Variants in TCHP observed in about 807,000 individuals in gnomAD.
TCHP encodes the protein trichoplein keratin filament binding, also known as trichoplein keratin filament-binding protein.
Under a neutral mutation model 88.7 loss-of-function variants are expected in TCHP, and 81 were observed. The observed-to-expected ratio is 0.91, with a 90% CI of 0.76 to 1.10. The LOEUF (loss-of-function observed/expected upper bound fraction) is 1.10, where lower values mean the gene tolerates loss of function less well. Ranked by LOEUF, TCHP falls within the 50% of genes least tolerant of loss-of-function variation. The pLI is 0.00. For synonymous variants in TCHP, 232 were observed against 232.5 expected (o/e 1.00, Z 0.02); for missense variants, 641 against 632.1 (o/e 1.01, Z -0.15).
At position 109,915,608 on chromosome 12, in the gene TCHP, C is replaced by G. The variant is rs1331129706; in HGVS notation, c.1464+62C>G. The G allele has an allele frequency of 5.3e-6, 8 of 1,522,126 alleles. No individual in the cohort carries two copies. In the African/African-American group the frequency reaches 1.1e-4, roughly 21 times the overall value. The allele number at this position is 1,522,126 out of a possible 1,614,324, so 94.3% of individuals were successfully genotyped here. ...AGACAGACTCTGCCCGGCCCCTGCT[C>G]CCCTGGGCCTGCTCATCGCCCCGCG... is the stretch of plus-strand genomic sequence containing the variant. On this transcript the variant is annotated intron_variant, in intron 12 of 12. Transcript: ENST00000405876.
chr12:109,911,611 CA>C (rs1209414114), intron 9 of TCHP, among the ~76,000 whole-genome samples: 511 of 45,540 alleles, frequency 0.011, 1 homozygote, highest in African/African-American at 0.032. Context: ...GACTCTGTCT[CA>C]AAAAAAAAAA....
upstream of TCHP, among the ~76,000 whole-genome samples, chr12:109,899,284 G>A (rs1423469318): frequency 1.3e-5 from 2 of 152,126 alleles, no homozygotes; most frequent in Non-Finnish European, 2.9e-5. Flanking sequence ...TGTAGCACAC[G>A]AGTTATAAAA....
At chr12:109,908,798 G>T (rs1870308342) in intron 7 of TCHP, 73 bp from the exon 8 acceptor site, 1 of 1,573,244 alleles carries the variant, frequency 6.4e-7, no homozygotes, top group South Asian at 1.1e-5. Context: ...AGACAGCCTG[G>T]TCAGCAGTTA....
chr12:109,917,602 T>TA lies in TCHP; in HGVS notation c.*980dup, dbSNP rs1592917311. ...GGAGAAGCACTGAGCCTGAAGAAAC[T>TA]AGATGAGTCTCAGAACCACAGACCG... On this transcript the variant is annotated 3_prime_UTR_variant, in exon 13 of 13. Transcript: ENST00000405876. The TA allele has an allele frequency of 6.5e-6, 1 of 152,684 alleles. No homozygotes were observed. Among genetic ancestry groups the TA allele is most frequent in the East Asian group, 1.9e-4 (1 of 5,186 alleles). The allele number at this position is 152,684 out of a possible 1,614,324, so 9.5% of individuals were successfully genotyped here.
rs747998716 is a variant in TCHP at position 109,904,796 on chromosome 12, G to A, written c.456+3G>A. 6.2e-7 allele frequency: 1 copy of A among 1,611,962 alleles called. No homozygotes were observed. Among genetic ancestry groups the A allele is most frequent in the South Asian group, 1.1e-5 (1 of 90,638 alleles). ...AGAACAACCCGAAACTTCGAGAGGT[G>A]AAAATCAGAGATCTCCATTGATTTA... On this transcript the variant is annotated splice_donor_region_variant and intron_variant, in intron 4 of 12. Coordinates refer to ENST00000405876, the MANE Select transcript of TCHP (RefSeq NM_001143852.2).
At chr12:109,912,728 T>C (rs1162387633) in intron 9 of TCHP, among the ~76,000 whole-genome samples, 1 of 151,972 alleles carries the variant, frequency 6.6e-6, no homozygotes, top group East Asian at 1.9e-4. Context: ...GAGGTGGAGG[T>C]TGCAGTGAGC....
the TCHP span, among the ~76,000 whole-genome samples, chr12:109,885,478 G>GTTTTTT: frequency 1.1e-4 from 13 of 118,166 alleles, no homozygotes; most frequent in Non-Finnish European, 1.9e-4. Context: ...AAATCTGATG[G>GTTTTTT]TTTTTTTTTT....
At chr12:109,902,094 C>T (rs1249370565) in intron 1 of TCHP, among the ~76,000 whole-genome samples, 3 of 152,216 alleles carry the variant, frequency 2.0e-5, no homozygotes, top group Non-Finnish European at 4.4e-5. Flanking sequence ...GTCTAGCAAT[C>T]TTAGGACAAT....
chr12:109,905,102 G>A lies in TCHP; in HGVS notation c.456+309G>A, dbSNP rs1870055807. 5.3e-6 allele frequency: 2 copies of A among 377,258 alleles called. No homozygotes were observed. The highest frequency in any genetic ancestry group is 2.9e-5 in the South Asian group (1 of 34,100). The allele number at this position is 377,258 out of a possible 1,614,324, so 23.4% of individuals were successfully genotyped here. Reference sequence around the variant, plus strand: ...TTACAGGGCAGGATGCAGGGTGCTGGGCCAGCCTGAGAGGATGAGCATGGG... The same window carrying A: ...TTACAGGGCAGGATGCAGGGTGCTGAGCCAGCCTGAGAGGATGAGCATGGG... On this transcript the variant is annotated intron_variant, in intron 4 of 12. Coordinates refer to ENST00000405876, the MANE Select transcript of TCHP (RefSeq NM_001143852.2). The surrounding 1 kb of genome is among the most constrained non-coding windows in gnomAD (Gnocchi z 4.0).
rs141514320 is a variant in TCHP, at chr12:109,915,538, C to G, written c.1456C>G (p.Arg486Gly). 1.2e-6 allele frequency: 2 copies of G among 1,612,844 alleles called. No individual in the cohort carries two copies. Among genetic ancestry groups the G allele is most frequent in the Admixed American group, 1.7e-5 (1 of 59,942 alleles). Residue 486 changes from arginine (R) to glycine (G), a missense_variant, in exon 12 of 13, where the codon CGG becomes GGG. Physicochemically the swap from Arg to Gly is moderately radical, Grantham distance 125. Transcript: ENST00000405876. ...GGAGACTATGGCTGAGCAGGGCTAC[C>G]GGCCTAAGGTAGGAAGTCTGCCAGG... ...EAETMAEQGYRPKPYGHPKIA... is the reference protein window; with the variant it reads ...EAETMAEQGYGPKPYGHPKIA...
Position 109,904,068 on chromosome 12 carries a change from T to C in TCHP, c.320T>C (p.Leu107Pro), listed in dbSNP as rs1480948643. ...LLARELEELR[L>P]SMNLQERRIR... ...GCCAGAGAACTGGAGGAGCTGAGGC[T>C]GAGCATGAACTTGCAGGAAAGAAGA... is the stretch of plus-strand genomic sequence containing the variant. Residue 107 changes from leucine to proline, a missense_variant, in exon 3 of 13, where the codon CTG (leucine) becomes CCG (proline). Coordinates refer to ENST00000405876, the MANE Select transcript of TCHP (RefSeq NM_001143852.2). 6.2e-7 allele frequency: 1 copy of C among 1,603,200 alleles called. No homozygotes were observed. The highest frequency in any genetic ancestry group is 8.5e-7 in the Non-Finnish European group (1 of 1,174,828).
At chr12:109,888,220 T>C in the TCHP span, 2 of 152,018 alleles carry the variant, frequency 1.3e-5, no homozygotes, top group Non-Finnish European at 2.9e-5. Context: ...GGGGGAGAGG[T>C]GGGAAGGAAA....
At chr12:109,890,109 T>G in the TCHP span, among the ~76,000 whole-genome samples, 1 of 152,148 alleles carries the variant, frequency 6.6e-6, no homozygotes, top group South Asian at 2.1e-4. Context: ...TGCCACCTTG[T>G]CCTCCATCTA....
chr12:109,896,093 C>T (rs1487077395), upstream of TCHP, among the ~76,000 whole-genome samples: 1 of 152,112 alleles, frequency 6.6e-6, no homozygotes, highest in African/African-American at 2.4e-5. Context: ...ACTACAGGCA[C>T]GCACTACCAC....
At position 109,910,947 on chromosome 12, in the gene TCHP, G is replaced by A. The variant is rs181573530; in HGVS notation, c.880-116G>A. 49 of 1,382,070 alleles carry A rather than the reference G, an allele frequency of 3.5e-5. No individual in the cohort carries two copies. In the African/African-American group the frequency reaches 6.0e-4, roughly 17 times the overall value. The allele number at this position is 1,382,070 out of a possible 1,614,324, so 85.6% of individuals were successfully genotyped here. A position where few individuals can be genotyped will look rare whatever the true frequency, so the allele number is the denominator to read the frequency against. On this transcript the variant is annotated intron_variant, in intron 8 of 12. Coordinates refer to ENST00000405876, the MANE Select transcript of TCHP (RefSeq NM_001143852.2). Reference sequence around the variant, plus strand: ...TTCCCATCTCTGTCTTGAGAACACTGTGTAGAATCACGAATGTCTATGTAG... The same window carrying A: ...TTCCCATCTCTGTCTTGAGAACACTATGTAGAATCACGAATGTCTATGTAG...
intron 8 of TCHP, among the ~76,000 whole-genome samples, chr12:109,910,087 C>T (rs554108787): frequency 3.2e-4 from 48 of 151,926 alleles, no homozygotes; most frequent in South Asian, 1.7e-3. Flanking sequence ...TGCAGTGAGC[C>T]GAGATTGCAC....
intron 4 of TCHP, among the ~76,000 whole-genome samples, chr12:109,906,078 C>A (rs1027728023): frequency 6.6e-6 from 1 of 152,194 alleles, no homozygotes; most frequent in Non-Finnish European, 1.5e-5. Flanking sequence ...AGATTGTCTG[C>A]GCTCAAATCT....
chr12:109,882,050 G>A, the TCHP span, among the ~76,000 whole-genome samples: 1 of 152,160 alleles, frequency 6.6e-6, no homozygotes, highest in African/African-American at 2.4e-5. Flanking sequence ...ACACAAATTG[G>A]TAAGACAACT....
chr12:109,903,938 A>G lies in TCHP; in HGVS notation c.190A>G (p.Met64Val), dbSNP rs772998749. The change falls in exon 3 of 13, where the codon ATG becomes GTG. Residue 64 changes from methionine to valine, a missense_variant and splice_region_variant. Transcript: ENST00000405876. This position sits in a 1 kb window ranked among gnomAD's most constrained non-coding sequence, Gnocchi z 4.6. The part of the protein sequence containing the change: ...WSSKTSYQRS[M>V]HAYQREKMKE... ...TCAGGCAGGCCCCCTCTCACCCAGCATGCATGCCTATCAGCGGGAGAAGAT... is the reference window on the plus strand; with the variant it reads ...TCAGGCAGGCCCCCTCTCACCCAGCGTGCATGCCTATCAGCGGGAGAAGAT... 2 of 1,603,944 alleles carry G rather than the reference A, an allele frequency of 1.2e-6. No homozygotes were observed. Among genetic ancestry groups the G allele is most frequent in the African/African-American group, 1.3e-5 (1 of 74,754 alleles).
Sources: gnomAD v4.1 joint callset for allele counts (sites outside exome capture counted in the v4.1 genomes callset) on GRCh38, gnomAD v4.1.1 for gene constraint, Gnocchi (gnomAD v3.1) non-coding constraint, MANE v1.5 for transcripts, NCBI Gene and HGNC (gene_info 2026-07-23, HGNC 2026-07-21) for gene names.